Variants in ZNF717 observed in about 807,000 individuals in gnomAD.
ZNF717 encodes the protein zinc finger protein 717.
In ZNF717, 9 loss-of-function variants were observed where a neutral mutation model predicts 13.8. The observed-to-expected ratio is 0.65, with a 90% confidence interval of 0.39 to 1.14. ZNF717 has a LOEUF of 1.14. ZNF717 is among the 50% of genes most tolerant of loss of function. ZNF717 has a pLI of 0.01. For missense variants in ZNF717, 1,040 were observed against 1,080.7 expected, an observed-to-expected ratio of 0.96 and a Z score of 0.53; for synonymous variants, 327 against 364.1, an observed-to-expected ratio of 0.90 and a Z score of 1.16.
chr3:75,722,628 A>G (rs1406570039), intron 4 of ZNF717, among the ~76,000 whole-genome samples: 3 of 151,952 alleles, frequency 2.0e-5, no homozygotes, highest in African/African-American at 4.8e-5. Context: ...CAGCCTGGCC[A>G]ACATGGTGAA....
chr3:75,705,443 G>C (rs1236002340), downstream of ZNF717, among the ~76,000 whole-genome samples: 210 of 151,358 alleles, frequency 1.4e-3, no homozygotes, highest in African/African-American at 4.8e-3. Context: ...TTTAATGCAA[G>C]TGCCTCTTAA....
intron 5 of ZNF717, chr3:75,730,658 G>A (rs1266893151): frequency 4.3e-6 from 3 of 700,940 alleles, no homozygotes; most frequent in South Asian, 3.0e-5. Context: ...AATTTCAATG[G>A]TACCTGAATC....
At chr3:75,698,265 AC>A (rs1937626836) in intron 6 of ZNF717, among the ~76,000 whole-genome samples, 1 of 152,310 alleles carries the variant, frequency 6.6e-6, no homozygotes, top group African/African-American at 2.4e-5. Context: ...TAAGAGAGGA[AC>A]TCAAGCAGGC....
chr3:75,761,699 A>T lies in ZNF717; in HGVS notation c.58-19963T>A, dbSNP rs1169568379. Among the ~76,000 whole-genome samples, 5 of 152,360 alleles carry T rather than the reference A, an allele frequency of 3.3e-5. No homozygotes were observed. In the South Asian group the frequency reaches 1.0e-3, roughly 32 times the overall value. ...CAGGATACAGTAACACACACAAGTCAGTTGCATTTCTGTAAACTAACAATG... is the reference window on the plus strand; with the variant it reads ...CAGGATACAGTAACACACACAAGTCTGTTGCATTTCTGTAAACTAACAATG... On this transcript the variant is annotated intron_variant, in intron 2 of 4. Transcript: ENST00000652011.
intron 4 of ZNF717, chr3:75,716,679 A>C (rs1287313782): frequency 6.6e-6 from 1 of 152,148 alleles, no homozygotes; most frequent in Non-Finnish European, 1.5e-5. Context: ...ACAAGAACTC[A>C]GTGAAAAAAT....
At chr3:75,755,646 G>C (rs1481999401) in intron 2 of ZNF717, among the ~76,000 whole-genome samples, 2 of 152,150 alleles carry the variant, frequency 1.3e-5, no homozygotes, top group African/African-American at 4.8e-5. Flanking sequence ...CAGTGGGATA[G>C]TGTTATATGA....
chr3:75,727,479 ATAAT>A (rs1223010621), downstream of ZNF717, among the ~76,000 whole-genome samples: 3 of 152,142 alleles, frequency 2.0e-5, no homozygotes, highest in Middle Eastern at 3.2e-3. Context: ...AGGAATATTA[ATAAT>A]TAATATCCTG....
chr3:75,777,715 C>T (rs562748137), intron 2 of ZNF717, among the ~76,000 whole-genome samples: 5 of 146,506 alleles, frequency 3.4e-5, no homozygotes, highest in Admixed American at 1.4e-4. Flanking sequence ...ATGGGAGTGA[C>T]GTGCTAAACC....
At chr3:75,764,990 GATATATATATATATATATATATATATAT>G (rs71101852) in intron 2 of ZNF717, among the ~76,000 whole-genome samples, 27 of 102,300 alleles carry the variant, frequency 2.6e-4, no homozygotes, top group Admixed American at 7.3e-4. Flanking sequence ...TAAACAAAAG[GATATATATATATATATATATATATATAT>G]ATATATATAT....
At chr3:75,734,813 ATATATTTTTT>A (rs1322498256), downstream of ZNF717, among the ~76,000 whole-genome samples, 721 of 59,706 alleles carry the variant, frequency 0.012, 1 homozygote, top group East Asian at 0.027. Context: ...ATATATATAT[ATATATTTTTT>A]TTTTTTTTTT....
chr3:75,748,712 G>T (rs62246618), intron 2 of ZNF717, among the ~76,000 whole-genome samples: 14,173 of 152,114 alleles, frequency 0.093, 1,128 homozygotes, highest in African/African-American at 0.2. Context: ...AGAGCTATTC[G>T]TGACAAACGC....
chr3:75,717,080 G>A (rs962945977), intron 4 of ZNF717, among the ~76,000 whole-genome samples: 10 of 152,164 alleles, frequency 6.6e-5, no homozygotes, highest in Non-Finnish European at 1.5e-4. Flanking sequence ...CAGAGGTTTT[G>A]CACAATTTGG....
chr3:75,743,471 C>G (rs1420995289), intron 2 of ZNF717, among the ~76,000 whole-genome samples: 1 of 152,204 alleles, frequency 6.6e-6, no homozygotes, highest in Non-Finnish European at 1.5e-5. Flanking sequence ...CAAAAAATTG[C>G]TGTATCCACC....
chr3:75,722,585 CG>C (rs1429600938), intron 4 of ZNF717, among the ~76,000 whole-genome samples: 1 of 151,938 alleles, frequency 6.6e-6, no homozygotes, highest in African/African-American at 2.4e-5. Context: ...GAGGCTGAGG[CG>C]GGCGGATCAC....
downstream of ZNF717, among the ~76,000 whole-genome samples, chr3:75,734,982 C>T (rs76227674): frequency 2.0e-5 from 3 of 151,976 alleles, no homozygotes; most frequent in Non-Finnish European, 4.4e-5. Flanking sequence ...TGTGCCACCA[C>T]GTCCAGCTAA....
At chr3:75,695,534 C>T (rs1451669634) in intron 6 of ZNF717, among the ~76,000 whole-genome samples, 4 of 152,234 alleles carry the variant, frequency 2.6e-5, no homozygotes, top group African/African-American at 9.7e-5. Flanking sequence ...ATACATTTTT[C>T]TCCTCAGCAC....
intron 4 of ZNF717, among the ~76,000 whole-genome samples, chr3:75,724,955 ATTC>A (rs78240561): frequency 1.3e-5 from 2 of 151,612 alleles, no homozygotes; most frequent in Admixed American, 1.3e-4. Flanking sequence ...CTTCTTAAGT[ATTC>A]TTCTACTCAC....
chr3:75,762,440 CAAAAAAA>C (rs36024450), intron 2 of ZNF717, among the ~76,000 whole-genome samples: 275 of 115,860 alleles, frequency 2.4e-3, no homozygotes, highest in South Asian at 0.019. Flanking sequence ...GACTCCATCT[CAAAAAAA>C]AAAAAAAAAA....
downstream of ZNF717, among the ~76,000 whole-genome samples, chr3:75,735,202 T>C (rs1204556974): frequency 6.6e-6 from 1 of 152,118 alleles, no homozygotes; most frequent in African/African-American, 2.4e-5. Context: ...ACACAAGACA[T>C]AGGAATATGA....
Sources: gnomAD v4.1 joint callset for allele counts (sites outside exome capture counted in the v4.1 genomes callset) on GRCh38, gnomAD v4.1.1 for gene constraint, MANE v1.5 for transcripts, NCBI Gene and HGNC (gene_info 2026-07-23, HGNC 2026-07-21) for gene names.